ULK4: variants seen among roughly 807,000 people sequenced by gnomAD.
ULK4 encodes unc-51 like kinase 4.
ULK4 carries 133 observed loss-of-function variants against 160.6 expected under a neutral mutation model. The observed-to-expected ratio is 0.83, with a 90% CI of 0.72 to 0.96. The LOEUF (loss-of-function observed/expected upper bound fraction) is 0.96. Among genes scored for constraint, ULK4 ranks in the 40% least tolerant of loss-of-function variants. The pLI is 0.00. For synonymous variants in ULK4, 534 were observed against 539.8 expected, an observed-to-expected ratio of 0.99 and a Z score of 0.15; for missense variants, 1,580 against 1,499.5, an observed-to-expected ratio of 1.05 and a Z score of -0.89.
intron 21 of ULK4, among the ~76,000 whole-genome samples, chr3:41,788,412 T>C (rs559809545): frequency 2.0e-5 from 3 of 152,160 alleles, no homozygotes; most frequent in African/African-American, 4.8e-5. Flanking sequence ...CTACCTCTTA[T>C]AGAAAAAAAG....
intron 21 of ULK4, among the ~76,000 whole-genome samples, chr3:41,781,247 C>T (rs1417988563): frequency 6.6e-6 from 1 of 151,888 alleles, no homozygotes; most frequent in African/African-American, 2.4e-5. Context: ...GAAACCCTGT[C>T]TCTACTAAAA....
intron 31 of ULK4, among the ~76,000 whole-genome samples, chr3:41,581,953 C>T (rs751387458): frequency 2.6e-5 from 4 of 152,146 alleles, no homozygotes; most frequent in Non-Finnish European, 4.4e-5. Context: ...CAAAGGCACA[C>T]TGAGGCTTAT....
intron 32 of ULK4, among the ~76,000 whole-genome samples, chr3:41,496,070 G>C (rs780645291): frequency 2.0e-5 from 3 of 151,806 alleles, no homozygotes; most frequent in Admixed American, 6.6e-5. Context: ...TTTGTAAAAC[G>C]TATCAAATTT....
At chr3:41,324,686 G>A (rs879700935) in intron 35 of ULK4, among the ~76,000 whole-genome samples, 2 of 152,108 alleles carry the variant, frequency 1.3e-5, no homozygotes, top group African/African-American at 2.4e-5. Flanking sequence ...AAAGCATGAT[G>A]GGGGAACAAC....
At chr3:41,745,443 C>T (rs1575640458) in intron 22 of ULK4, among the ~76,000 whole-genome samples, 1 of 151,630 alleles carries the variant, frequency 6.6e-6, no homozygotes, top group African/African-American at 2.4e-5. Context: ...ACTACCAAAA[C>T]TTGACCTAGT....
rs370786644 is a variant in ULK4, at chr3:41,715,525, G to A, written c.2499C>T (p.His833=). 18 of 1,613,976 alleles carry A rather than the reference G, an allele frequency of 1.1e-5. No individual in the cohort carries two copies. Among genetic ancestry groups the A allele is most frequent in the Non-Finnish European group, 1.4e-5 (17 of 1,179,998 alleles). Residue 833 remains histidine (H), a synonymous_variant, in exon 24 of 37, where the codon CAC becomes CAT. Coordinates refer to ENST00000301831, the MANE Select transcript of ULK4 (RefSeq NM_017886.4). ...NSLANVSGRK[H]PSTVQVKQLK... Reference sequence around the variant, plus strand: ...GCTGTTTCACTTGAACTGTTGATGGGTGTTTACGTCCAGAAACATTAGCCA... The same window carrying A: ...GCTGTTTCACTTGAACTGTTGATGGATGTTTACGTCCAGAAACATTAGCCA...
intron 9 of ULK4, among the ~76,000 whole-genome samples, chr3:41,912,075 C>T (rs1284956654): frequency 6.6e-6 from 1 of 151,916 alleles, no homozygotes; most frequent in African/African-American, 2.4e-5. Flanking sequence ...CGCCTATAAT[C>T]CTAACACTTT....
intron 18 of ULK4, among the ~76,000 whole-genome samples, chr3:41,821,339 T>C (rs2041137072): frequency 1.4e-5 from 2 of 139,340 alleles, no homozygotes; most frequent in South Asian, 4.4e-4. Flanking sequence ...TCAACATCCA[T>C]CTCCAGACCT....
At chr3:41,375,937 A>G (rs2081479542) in intron 35 of ULK4, among the ~76,000 whole-genome samples, 1 of 149,916 alleles carries the variant, frequency 6.7e-6, no homozygotes, top group African/African-American at 2.5e-5. Context: ...AATTTACGAG[A>G]AAAAAAACAA....
chr3:41,600,396 G>A (rs1171795343), intron 31 of ULK4, among the ~76,000 whole-genome samples: 5 of 152,220 alleles, frequency 3.3e-5, no homozygotes, highest in Admixed American at 1.3e-4. Flanking sequence ...AAAGAAGTAT[G>A]GGTTGCACCT....
chr3:41,259,116 G>GTATA (rs10567326), intron 35 of ULK4, among the ~76,000 whole-genome samples: 23 of 147,976 alleles, frequency 1.6e-4, no homozygotes, highest in Non-Finnish European at 2.2e-4. Flanking sequence ...GTATATATGT[G>GTATA]TATATATATA....
At chr3:41,258,538 T>C (rs1421465825) in intron 35 of ULK4, 3 of 152,232 alleles carry the variant, frequency 2.0e-5, no homozygotes, top group Non-Finnish European at 4.4e-5. Flanking sequence ...GGCAGTCAGT[T>C]AGCCAAGACA....
chr3:41,884,589 A>T (rs1697650280), intron 16 of ULK4, among the ~76,000 whole-genome samples: 1 of 152,270 alleles, frequency 6.6e-6, no homozygotes, highest in South Asian at 2.1e-4. Context: ...TAATTAAAAC[A>T]AATGGTGAGT....
intron 31 of ULK4, among the ~76,000 whole-genome samples, chr3:41,585,490 T>C (rs1321762235): frequency 1.3e-5 from 2 of 152,170 alleles, no homozygotes; most frequent in East Asian, 1.9e-4. Flanking sequence ...AGTTGAACTT[T>C]TACCTTATAC....
At chr3:41,510,052 T>C (rs753070994) in intron 32 of ULK4, among the ~76,000 whole-genome samples, 17 of 152,102 alleles carry the variant, frequency 1.1e-4, no homozygotes, top group Non-Finnish European at 2.5e-4. Flanking sequence ...TGAATAAAAA[T>C]TCACCAAACA....
chr3:41,926,796 G>C, intron 5 of ULK4, among the ~76,000 whole-genome samples: 1 of 149,820 alleles, frequency 6.7e-6, no homozygotes, highest in Middle Eastern at 3.2e-3. Flanking sequence ...GACAAGGTTA[G>C]AGAAAAAAAG....
intron 35 of ULK4, among the ~76,000 whole-genome samples, chr3:41,257,872 G>C (rs2078864661): frequency 1.3e-5 from 2 of 152,158 alleles, no homozygotes; most frequent in South Asian, 4.1e-4. Flanking sequence ...TATAGAGTCT[G>C]ATTTGATTTT....
chr3:41,916,105 A>T, intron 7 of ULK4, 53 bp from the exon 8 acceptor site: 7 of 1,169,406 alleles, frequency 6.0e-6, no homozygotes, highest in Non-Finnish European at 8.6e-6. Flanking sequence ...ATACATATCA[A>T]TTTTATTTTT....
At chr3:41,506,530 C>T (rs1376018187) in intron 32 of ULK4, among the ~76,000 whole-genome samples, 2 of 151,664 alleles carry the variant, frequency 1.3e-5, no homozygotes, top group African/African-American at 2.4e-5. Flanking sequence ...TCTTTCTTGC[C>T]GTTACTGCTG....
Sources: allele counts gnomAD v4.1 joint callset (sites outside exome capture counted in the v4.1 genomes callset), GRCh38; gene constraint gnomAD v4.1.1; transcripts MANE v1.5; gene names NCBI Gene and HGNC (gene_info 2026-07-23, HGNC 2026-07-21).